Variants in DHX34 observed in about 807,000 individuals in gnomAD.
DHX34 encodes DExH-box helicase 34.
DHX34 carries 96 observed loss-of-function variants against 111.1 expected under a neutral mutation model. The ratio of observed to expected loss-of-function variants is 0.86; its 90% confidence interval spans 0.73 to 1.02. The LOEUF is 1.02. Ranked by LOEUF, DHX34 falls within the 50% of genes least tolerant of loss-of-function variation. The pLI, the probability that DHX34 is intolerant of heterozygous loss-of-function variation, is 0.00. For missense variants in DHX34, 1,560 were observed against 1,579.9 expected, an observed-to-expected ratio of 0.99 and a Z score of 0.21; for synonymous variants, 688 against 670.4, an observed-to-expected ratio of 1.03 and a Z score of -0.41.
chr19:47,353,274 G>C lies in DHX34; in HGVS notation c.244G>C (p.Asp82His). The change falls in exon 2 of 17, where the codon GAC (aspartate) becomes CAC (histidine). Residue 82 changes from aspartate (D) to histidine (H), a missense_variant. By Grantham distance (81) the Asp-to-His change is moderately conservative. Coordinates refer to ENST00000328771, the MANE Select transcript of DHX34 (RefSeq NM_014681.6). The surrounding 1 kb of genome is among the most constrained non-coding windows in gnomAD (Gnocchi z 4.6). ...CAAGACCTCCAGGAAGGAGGAGAAA[G>C]ACCCTGGACAGCCCAAGCACAGCAT... ...NLKTSRKEEK[D>H]PGQPKHSIPA... is the part of the protein sequence containing the mutation. 1 of 1,614,176 alleles carries C rather than the reference G, an allele frequency of 6.2e-7. No individual in the cohort carries two copies. Among genetic ancestry groups the C allele is most frequent in the African/African-American group, 1.3e-5 (1 of 75,054 alleles).
At chr19:47,356,040 A>G (rs1381040754) in intron 3 of DHX34, among the ~76,000 whole-genome samples, 1 of 152,076 alleles carries the variant, frequency 6.6e-6, no homozygotes, top group Admixed American at 6.6e-5. Context: ...CAAGATTGAC[A>G]TTTCAGTCTG....
intron 9 of DHX34, 177 bp from the exon 10 acceptor site, chr19:47,375,289 A>C: frequency 1.0e-6 from 1 of 985,412 alleles, no homozygotes; most frequent in Non-Finnish European, 1.2e-6. Flanking sequence ...CCCTCCACTG[A>C]CCAGCGAGGA....
Position 47,360,032 on chromosome 19 carries a change from C to A in DHX34, c.1337C>A (p.Ser446Ter). 1 of 1,614,070 alleles carries A rather than the reference C, an allele frequency of 6.2e-7. No individual in the cohort carries two copies. The highest frequency in any genetic ancestry group is 8.5e-7 in the Non-Finnish European group (1 of 1,180,010). Residue 446 changes from serine (S) to a stop codon, truncating the protein, a stop_gained, in exon 5 of 17, where the codon TCA (serine) becomes TAA (stop). Coordinates refer to ENST00000328771, the MANE Select transcript of DHX34 (RefSeq NM_014681.6). LOFTEE classifies it high-confidence loss of function. ...CILSTNIAET[S>*]VTIDGIRFVV... is the part of the protein sequence containing the mutation. ...CTCTCCACCAACATTGCTGAGACCT[C>A]AGTCACCATTGACGGGATCCGCTTC...
intron 3 of DHX34, among the ~76,000 whole-genome samples, chr19:47,356,583 G>C (rs2950238): frequency 0.099 from 14,843 of 150,400 alleles, 1,023 homozygotes; most frequent in African/African-American, 0.19. Context: ...GAGCCAAGAT[G>C]GCTCCACTGC....
chr19:47,370,375 C>T (rs371963265), intron 7 of DHX34, among the ~76,000 whole-genome samples: 86 of 152,312 alleles, frequency 5.6e-4, no homozygotes, highest in African/African-American at 2.0e-3. Context: ...CTGCCCCGCA[C>T]CCCTCTCTTG....
chr19:47,368,208 G>A (rs2122290234), intron 7 of DHX34, among the ~76,000 whole-genome samples: 1 of 150,728 alleles, frequency 6.6e-6, no homozygotes, highest in African/African-American at 2.4e-5. Flanking sequence ...GCTGCTACAG[G>A]AACAGTGAGG....
intron 3 of DHX34, among the ~76,000 whole-genome samples, chr19:47,357,443 C>T (rs1969489651): frequency 4.6e-5 from 7 of 151,926 alleles, no homozygotes; most frequent in Non-Finnish European, 4.4e-5. Context: ...CTGTCTGTCA[C>T]CTGACTGTTT....
chr19:47,380,635 C>T (rs1970322166), intron 14 of DHX34, 181 bp from the exon 15 acceptor site: 23 of 985,228 alleles, frequency 2.3e-5, no homozygotes, highest in Non-Finnish European at 2.8e-5. Flanking sequence ...GGTGGGTTAT[C>T]AGGTATATTC....
At chr19:47,380,785 C>T in intron 14 of DHX34, 31 bp from the exon 15 acceptor site, 1 of 1,612,722 alleles carries the variant, frequency 6.2e-7, no homozygotes, top group Non-Finnish European at 8.5e-7. Flanking sequence ...CTGAGTCTGT[C>T]TCTCTCCATT....
intron 6 of DHX34, among the ~76,000 whole-genome samples, chr19:47,365,953 A>G (rs1599762950): frequency 6.6e-6 from 1 of 152,326 alleles, no homozygotes; most frequent in African/African-American, 2.4e-5. Context: ...TTGTGCATTC[A>G]TGAGGCGGCA....
chr19:47,369,446 C>T (rs1969900048), intron 7 of DHX34, among the ~76,000 whole-genome samples: 1 of 152,214 alleles, frequency 6.6e-6, no homozygotes, highest in African/African-American at 2.4e-5. Context: ...CTGGCCCATT[C>T]ATTAAATAAT....
At chr19:47,354,137 A>T (rs1969378948) in intron 2 of DHX34, among the ~76,000 whole-genome samples, 1 of 152,000 alleles carries the variant, frequency 6.6e-6, no homozygotes, top group African/African-American at 2.4e-5. Context: ...TAATTTTTGT[A>T]ATTTTAGTAG....
chr19:47,363,046 G>A (rs1179187985), intron 6 of DHX34, among the ~76,000 whole-genome samples: 2 of 152,080 alleles, frequency 1.3e-5, no homozygotes. Context: ...CGCCTCCCAG[G>A]TTTAAGTGAT....
intron 14 of DHX34, 34 bp from the exon 15 acceptor site, chr19:47,380,778 AGTCT>A: frequency 6.2e-7 from 1 of 1,611,986 alleles, no homozygotes; most frequent in Non-Finnish European, 8.5e-7. Flanking sequence ...CATCTCCCTG[AGTCT>A]GTCTCTCTCC....
At chr19:47,368,583 G>A (rs1294208261) in intron 7 of DHX34, among the ~76,000 whole-genome samples, 1 of 150,356 alleles carries the variant, frequency 6.7e-6, no homozygotes, top group Non-Finnish European at 1.5e-5. Context: ...TGTGATTACA[G>A]GCTTGAGCCA....
rs373857193 is a variant in DHX34, at chr19:47,381,735, G to C, written c.3299-245G>C. ...CATGCCTCCATCCCCGGCTGGCTGT[G>C]TCTGCCTCTCAGTCTCCATGTCTCT... On this transcript the variant is annotated intron_variant, in intron 16 of 16. Coordinates refer to ENST00000328771, the MANE Select transcript of DHX34 (RefSeq NM_014681.6). The C allele has an allele frequency of 4.1e-5, 24 of 585,476 alleles. No homozygotes were observed. In the East Asian group the frequency reaches 1.4e-3, roughly 35 times the overall value. 36.3% of individuals were successfully genotyped at this position (585,476 alleles called of 1,614,324 possible). A position where few individuals can be genotyped will look rare whatever the true frequency, so the allele number is the denominator to read the frequency against.
chr19:47,376,831 T>C (rs1375012592), intron 12 of DHX34: 7 of 1,529,898 alleles, frequency 4.6e-6, no homozygotes, highest in Non-Finnish European at 6.1e-6. Context: ...GGGCCTGTCC[T>C]ATGGACTCTG....
At position 47,353,446 on chromosome 19, in the gene DHX34, A is replaced by T. The variant is rs147072025; in HGVS notation, c.416A>T (p.His139Leu). Residue 139 changes from histidine to leucine, a missense_variant, in exon 2 of 17, where the codon CAC becomes CTC. Coordinates refer to ENST00000328771, the MANE Select transcript of DHX34 (RefSeq NM_014681.6). The surrounding 1 kb of genome is among the most constrained non-coding windows in gnomAD (Gnocchi z 4.6). ...RVAEFRRALL[H>L]YLDFGQKQAF... ...GCTGAGTTCCGCCGAGCCCTGTTGC[A>T]CTACCTGGACTTTGGCCAGAAGCAG... 7.2e-5 allele frequency: 117 copies of T among 1,614,020 alleles called. No individual in the cohort carries two copies. Among genetic ancestry groups the T allele is most frequent in the African/African-American group, 3.9e-4 (29 of 74,930 alleles).
At chr19:47,373,455 G>A in intron 8 of DHX34, 144 bp from the exon 9 acceptor site, 1 of 1,448,482 alleles carries the variant, frequency 6.9e-7, no homozygotes, top group Non-Finnish European at 9.1e-7. Flanking sequence ...CTTCCCATAG[G>A]AGGGGGCACT....
Sources: allele counts gnomAD v4.1 joint callset (sites outside exome capture counted in the v4.1 genomes callset), GRCh38; gene constraint gnomAD v4.1.1; non-coding constraint Gnocchi (gnomAD v3.1); transcripts MANE v1.5; gene names NCBI Gene and HGNC (gene_info 2026-07-23, HGNC 2026-07-21).